Variants in CPQ observed in about 807,000 individuals in gnomAD.
The protein encoded by CPQ is carboxypeptidase Q.
In CPQ, 37 loss-of-function variants were observed where a neutral mutation model predicts 45.7. That is an observed-to-expected ratio of 0.81 (90% CI 0.62 to 1.07). The LOEUF (loss-of-function observed/expected upper bound fraction) is 1.07, where lower values mean the gene tolerates loss of function less well. Ranked by LOEUF, CPQ falls within the 50% of genes least tolerant of loss-of-function variation. The pLI is 0.00. For synonymous variants in CPQ, 186 were observed against 205.8 expected (o/e 0.90, Z 0.82); for missense variants, 537 against 572.9 (o/e 0.94, Z 0.64).
intron 4 of CPQ, among the ~76,000 whole-genome samples, chr8:96,933,700 C>T (rs1028215334): frequency 1.3e-5 from 2 of 152,066 alleles, no homozygotes; most frequent in East Asian, 3.9e-4. Flanking sequence ...GGGATTAATA[C>T]CCATGTTGCA....
intron 1 of CPQ, among the ~76,000 whole-genome samples, chr8:96,682,233 G>T (rs893953054): frequency 2.6e-5 from 4 of 152,162 alleles, no homozygotes; most frequent in South Asian, 2.1e-4. Context: ...CATGTGTTGT[G>T]GGGGGGACCC....
At chr8:96,857,934 A>C (rs1406360186) in intron 3 of CPQ, among the ~76,000 whole-genome samples, 1 of 152,182 alleles carries the variant, frequency 6.6e-6, no homozygotes, top group African/African-American at 2.4e-5. Flanking sequence ...GGGCCCTGCA[A>C]AGTCAATGTC....
chr8:96,652,324 A>G (rs1815585817), intron 1 of CPQ, among the ~76,000 whole-genome samples: 1 of 152,242 alleles, frequency 6.6e-6, no homozygotes, highest in Non-Finnish European at 1.5e-5. Context: ...TTAAAGGCAG[A>G]ATAGTATTTC....
chr8:97,123,206 A>AAAAATAAAATAAAAT (rs1164063488), intron 7 of CPQ, among the ~76,000 whole-genome samples: 3 of 91,060 alleles, frequency 3.3e-5, no homozygotes, highest in South Asian at 3.1e-4. Flanking sequence ...AAATAAAATA[A>AAAAATAAAATAAAAT]AAAATAAAAT....
chr8:96,793,099 A>G (rs1442430411), intron 2 of CPQ, among the ~76,000 whole-genome samples: 2 of 151,990 alleles, frequency 1.3e-5, no homozygotes, highest in Non-Finnish European at 1.5e-5. Context: ...CAGCCAAGCC[A>G]TATACATAAT....
chr8:96,933,521 C>T (rs1813001919), intron 4 of CPQ, among the ~76,000 whole-genome samples: 1 of 152,092 alleles, frequency 6.6e-6, no homozygotes, highest in Non-Finnish European at 1.5e-5. Flanking sequence ...GTGTTTAATT[C>T]AGAGGAGGAG....
chr8:97,100,591 A>T (rs980365670), intron 7 of CPQ, among the ~76,000 whole-genome samples: 4 of 152,158 alleles, frequency 2.6e-5, no homozygotes, highest in Admixed American at 6.6e-5. Flanking sequence ...TGAATAAATC[A>T]CCCCTTTTAG....
At chr8:96,986,147 GCAT>G (rs1808974977) in intron 5 of CPQ, among the ~76,000 whole-genome samples, 1 of 152,160 alleles carries the variant, frequency 6.6e-6, no homozygotes, top group Non-Finnish European at 1.5e-5. Flanking sequence ...CCAAGTTGCA[GCAT>G]CTACAGAAGA....
intron 7 of CPQ, among the ~76,000 whole-genome samples, chr8:97,072,413 C>A (rs1219661745): frequency 1.3e-5 from 2 of 152,112 alleles, no homozygotes; most frequent in African/African-American, 4.8e-5. Context: ...TCTCAGAAAT[C>A]ACCGCTAAAT....
intron 3 of CPQ, among the ~76,000 whole-genome samples, chr8:96,850,172 G>A (rs2130859442): frequency 6.6e-6 from 1 of 152,226 alleles, no homozygotes; most frequent in Middle Eastern, 3.4e-3. Context: ...ATTTTGATAG[G>A]GCTTTTAGCA....
chr8:96,844,022 A>G (rs1811651926), intron 3 of CPQ, among the ~76,000 whole-genome samples: 1 of 152,168 alleles, frequency 6.6e-6, no homozygotes, highest in African/African-American at 2.4e-5. Context: ...AATATATATA[A>G]ACGTTAACCT....
intron 2 of CPQ, among the ~76,000 whole-genome samples, chr8:96,827,073 A>T (rs1296923154): frequency 1.3e-5 from 2 of 152,042 alleles, no homozygotes; most frequent in Non-Finnish European, 2.9e-5. Context: ...ATGACTGTAT[A>T]TCATGCGTAT....
At chr8:97,009,018 T>C (rs982626577) in intron 5 of CPQ, among the ~76,000 whole-genome samples, 1 of 152,254 alleles carries the variant, frequency 6.6e-6, no homozygotes, top group Non-Finnish European at 1.5e-5. Flanking sequence ...GGCTGAAGTT[T>C]TGGCCATGGG....
intron 2 of CPQ, among the ~76,000 whole-genome samples, chr8:96,825,817 A>C (rs769033312): frequency 3.3e-5 from 5 of 152,050 alleles, no homozygotes; most frequent in Admixed American, 3.3e-4. Flanking sequence ...AATTTTAAGC[A>C]TATCTACATA....
At chr8:96,862,457 T>C (rs1011074960) in intron 3 of CPQ, among the ~76,000 whole-genome samples, 4 of 151,870 alleles carry the variant, frequency 2.6e-5, no homozygotes, top group Admixed American at 2.0e-4. Context: ...ATGTGTTAGA[T>C]AAAATAAAAA....
chr8:97,021,751 T>C (rs1291380493), intron 5 of CPQ, among the ~76,000 whole-genome samples: 1 of 152,176 alleles, frequency 6.6e-6, no homozygotes, highest in Non-Finnish European at 1.5e-5. Flanking sequence ...TGCTTGTGAA[T>C]AGGTAGAATC....
chr8:96,872,826 C>T (rs1008557353), intron 3 of CPQ, among the ~76,000 whole-genome samples: 1 of 151,874 alleles, frequency 6.6e-6, no homozygotes, highest in African/African-American at 2.4e-5. Flanking sequence ...AATATTTATT[C>T]AATACTTTCT....
At chr8:97,125,589 A>G (rs1811834301) in intron 7 of CPQ, among the ~76,000 whole-genome samples, 1 of 152,212 alleles carries the variant, frequency 6.6e-6, no homozygotes, top group Non-Finnish European at 1.5e-5. Context: ...TTTTAAATCG[A>G]TCAATATAAT....
intron 5 of CPQ, among the ~76,000 whole-genome samples, chr8:96,998,897 C>T (rs1306388494): frequency 3.3e-5 from 5 of 151,970 alleles, no homozygotes; most frequent in African/African-American, 9.7e-5. Flanking sequence ...TGTTAAAAGA[C>T]TTACAATAAA....
Sources: gnomAD v4.1 joint callset for allele counts (sites outside exome capture counted in the v4.1 genomes callset) on GRCh38, gnomAD v4.1.1 for gene constraint, MANE v1.5 for transcripts, NCBI Gene and HGNC (gene_info 2026-07-23, HGNC 2026-07-21) for gene names.